The following RIMS2 variants were observed in gnomAD, a reference collection of about 807,000 sequenced individuals.
RIMS2 encodes the protein regulating synaptic membrane exocytosis protein 2.
In RIMS2, 59 loss-of-function variants were observed where a neutral mutation model predicts 174.4. The ratio of observed to expected loss-of-function variants is 0.34; its 90% CI spans 0.27 to 0.42. RIMS2 has a LOEUF of 0.42. RIMS2 is among the 10% of genes least tolerant of loss of function. RIMS2 has a pLI of 1.00. For missense variants in RIMS2, 1,620 were observed against 1,666.3 expected (o/e 0.97, Z 0.48); for synonymous variants, 606 against 572.5 (o/e 1.06, Z -0.84).
chr8:103,511,498 T>A (rs796812745), intron 1 of RIMS2, among the ~76,000 whole-genome samples: 23 of 152,328 alleles, frequency 1.5e-4, no homozygotes, highest in African/African-American at 5.1e-4. Flanking sequence ...AAGTGTGCCT[T>A]CATATATTAC....
In RIMS2 at chr8:103,895,676, A is replaced by G. The variant is rs115584348; in HGVS notation, c.1624+9453A>G. 7.3e-3 allele frequency among the ~76,000 whole-genome samples: 1,105 copies of G among 151,570 alleles called. 45 individuals are homozygous for G. Among genetic ancestry groups the G allele is most frequent in the African/African-American group, 0.026 (1,066 of 41,044 alleles). ...TGAGTAATGTTTCCCTATTTCTTTGAATGTCTTATAATTTTTGGTTGAAAA... is the reference window on the plus strand; with the variant it reads ...TGAGTAATGTTTCCCTATTTCTTTGGATGTCTTATAATTTTTGGTTGAAAA... On this transcript the variant is annotated intron_variant, in intron 4 of 23. Coordinates refer to ENST00000504942, the Ensembl canonical transcript of RIMS2.
intron 19 of RIMS2, among the ~76,000 whole-genome samples, chr8:104,116,330 G>A (rs1435020489): frequency 1.3e-5 from 2 of 152,074 alleles, no homozygotes; most frequent in Non-Finnish European, 2.9e-5. Flanking sequence ...GGTATGAAAA[G>A]AAATATTGTA....
chr8:103,703,527 A>T (rs1434846597), intron 2 of RIMS2, among the ~76,000 whole-genome samples: 1 of 152,110 alleles, frequency 6.6e-6, no homozygotes, highest in Admixed American at 6.6e-5. Flanking sequence ...ATGAGCCACC[A>T]CGCCTGGACT....
intron 1 of RIMS2, among the ~76,000 whole-genome samples, chr8:103,577,549 G>A (rs1485048536): frequency 2.0e-5 from 3 of 152,126 alleles, no homozygotes; most frequent in African/African-American, 4.8e-5. Context: ...ACCATGGCAT[G>A]TGTATACCTA....
rs56059248 is a variant in RIMS2 at position 103,972,294 on chromosome 8, T to C, written c.2771-3056T>C. On this transcript the variant is annotated intron_variant, in intron 15 of 23. Coordinates refer to ENST00000504942, the Ensembl canonical transcript of RIMS2. ...TACTTAAGTCAGAATTTTAGATTTG[T>C]TCTTGTCTCTTCTCTTTCTCTCATG... 8.9e-3 allele frequency among the ~76,000 whole-genome samples: 1,360 copies of C among 152,294 alleles called. 19 individuals are homozygous for C. Among genetic ancestry groups the C allele is most frequent in the African/African-American group, 0.03 (1,248 of 41,560 alleles).
chr8:103,529,636 G>A (rs1836015345), intron 1 of RIMS2, among the ~76,000 whole-genome samples: 1 of 152,166 alleles, frequency 6.6e-6, no homozygotes, highest in Admixed American at 6.5e-5. Flanking sequence ...CCACGGTCCT[G>A]CACCCACTGT....
chr8:103,595,609 G>A (rs2094452079), intron 1 of RIMS2, among the ~76,000 whole-genome samples: 1 of 151,888 alleles, frequency 6.6e-6, no homozygotes, highest in Admixed American at 6.6e-5. Context: ...CAGTCATTTG[G>A]ATTTGTGCTT....
At chr8:103,650,721 A>AC (rs2096436418) in intron 1 of RIMS2, among the ~76,000 whole-genome samples, 1 of 151,872 alleles carries the variant, frequency 6.6e-6, no homozygotes, top group African/African-American at 2.4e-5. Context: ...TCTGTGGGGG[A>AC]CCCCTCCTCA....
intron 1 of RIMS2, among the ~76,000 whole-genome samples, chr8:103,587,346 A>T (rs888151879): frequency 6.6e-6 from 1 of 151,704 alleles, no homozygotes; most frequent in Admixed American, 6.6e-5. Flanking sequence ...ATACTTCCAA[A>T]CTCATTTTAC....
At chr8:103,818,661 A>G (rs890815607) in intron 3 of RIMS2, among the ~76,000 whole-genome samples, 3 of 152,294 alleles carry the variant, frequency 2.0e-5, no homozygotes, top group African/African-American at 7.2e-5. Context: ...ATTTTAATTG[A>G]AAAGCTATAA....
intron 2 of RIMS2, among the ~76,000 whole-genome samples, chr8:103,735,456 A>T (rs540783639): frequency 6.6e-5 from 10 of 152,160 alleles, no homozygotes; most frequent in African/African-American, 2.4e-4. Context: ...TTTTAAACAT[A>T]TTTATAATTT....
intron 2 of RIMS2, among the ~76,000 whole-genome samples, chr8:103,740,085 G>T (rs1003251352): frequency 6.6e-6 from 1 of 152,262 alleles, no homozygotes; most frequent in Admixed American, 6.5e-5. Context: ...GATTTGTTTA[G>T]ATAAGCATTG....
chr8:103,998,125 A>G, intron 17 of RIMS2: 3 of 1,239,994 alleles, frequency 2.4e-6, no homozygotes, highest in Non-Finnish European at 3.5e-6. Context: ...ATTAAACTAT[A>G]CTTTTTTTTC....
downstream of RIMS2, chr8:104,252,368 G>T: frequency 6.4e-6 from 1 of 157,382 alleles, no homozygotes; most frequent in Admixed American, 6.1e-5. Context: ...GGCAGACTTT[G>T]TAGCTCCATG....
At chr8:103,754,599 G>T in intron 2 of RIMS2, among the ~76,000 whole-genome samples, 1 of 152,142 alleles carries the variant, frequency 6.6e-6, no homozygotes, top group Non-Finnish European at 1.5e-5. Context: ...CTTGCTTTAT[G>T]AATCTGGGTG....
intron 19 of RIMS2, among the ~76,000 whole-genome samples, chr8:104,150,717 G>A (rs780105953): frequency 6.6e-6 from 1 of 152,162 alleles, no homozygotes; most frequent in African/African-American, 2.4e-5. Flanking sequence ...AGCTAGAGAT[G>A]AGGCTAGTAG....
intron 3 of RIMS2, among the ~76,000 whole-genome samples, chr8:103,789,507 A>T (rs1169878582): frequency 6.6e-6 from 1 of 152,136 alleles, no homozygotes; most frequent in African/African-American, 2.4e-5. Flanking sequence ...TCACTTTGTC[A>T]TATAATGTAA....
intron 15 of RIMS2, among the ~76,000 whole-genome samples, chr8:103,967,528 T>C (rs993600417): frequency 1.3e-5 from 2 of 151,988 alleles, no homozygotes; most frequent in Admixed American, 6.6e-5. Flanking sequence ...GGTCTGGCTC[T>C]GTCACCCAGG....
At chr8:103,953,869 A>G (rs1004938936) in intron 14 of RIMS2, among the ~76,000 whole-genome samples, 32 of 152,286 alleles carry the variant, frequency 2.1e-4, no homozygotes, top group Admixed American at 2.0e-3. Flanking sequence ...TCTCATGTGC[A>G]GAGACACATA....
Sources: allele counts gnomAD v4.1 joint callset (sites outside exome capture counted in the v4.1 genomes callset), GRCh38; gene constraint gnomAD v4.1.1; transcripts MANE v1.5; gene names NCBI Gene and HGNC (gene_info 2026-07-23, HGNC 2026-07-21).